The following TMTC1 variants were observed in gnomAD, a reference collection of about 807,000 sequenced individuals.
TMTC1 encodes protein O-mannosyl-transferase TMTC1.
In TMTC1, 73 loss-of-function variants were observed where a neutral mutation model predicts 104.8. The ratio of observed to expected loss-of-function variants is 0.70; its 90% CI spans 0.58 to 0.85. The LOEUF (loss-of-function observed/expected upper bound fraction) is 0.85. Among genes scored for constraint, TMTC1 ranks in the 40% least tolerant of loss-of-function variants. The pLI is 0.00. For synonymous variants in TMTC1, 434 were observed against 428.7 expected (o/e 1.01, Z -0.15); for missense variants, 1,035 against 1,096.1 (o/e 0.94, Z 0.79).
chr12:29,743,277 A>G lies in TMTC1; in HGVS notation c.938+8389T>C, dbSNP rs573145704. On this transcript the variant is annotated intron_variant, in intron 5 of 17. Coordinates refer to ENST00000539277, the MANE Select transcript of TMTC1 (RefSeq NM_001193451.2). ...CAGGAGTCCATGTTCTTTACTGGTA[A>G]TGTACACTGCCAACCTCATACGTTT... is the stretch of plus-strand genomic sequence containing the variant. Among the ~76,000 whole-genome samples, 10 of 152,294 alleles carry G rather than the reference A, an allele frequency of 6.6e-5. No individual in the cohort carries two copies. In the East Asian group the frequency reaches 1.4e-3, roughly 21 times the overall value.
intron 5 of TMTC1, chr12:29,666,121 A>G (rs1181640979): frequency 1.2e-5 from 5 of 413,684 alleles, no homozygotes; most frequent in Admixed American, 6.5e-5. Context: ...AACAAGTGTT[A>G]TTTGAATATT....
intron 2 of TMTC1, among the ~76,000 whole-genome samples, chr12:29,760,203 A>G (rs1459600586): frequency 1.3e-5 from 2 of 152,180 alleles, no homozygotes; most frequent in East Asian, 3.9e-4. Flanking sequence ...ACATGTCCCC[A>G]TTGTTAAGCA....
intron 2 of TMTC1, among the ~76,000 whole-genome samples, chr12:29,766,577 C>CAG (rs1943469311): frequency 6.6e-6 from 1 of 152,126 alleles, no homozygotes; most frequent in Admixed American, 6.6e-5. Context: ...TAAGGTACCT[C>CAG]AGAGGCTTGT....
At chr12:29,516,322 A>C (rs377352693) in intron 15 of TMTC1, 27 bp downstream of exon 15, 1 of 1,598,522 alleles carries the variant, frequency 6.3e-7, no homozygotes, top group Non-Finnish European at 8.5e-7. Context: ...ATGAATCCAA[A>C]GAACTCTAAA....
chr12:29,710,208 G>A (rs1339517770), intron 5 of TMTC1, among the ~76,000 whole-genome samples: 1 of 152,054 alleles, frequency 6.6e-6, no homozygotes, highest in Admixed American at 6.6e-5. Context: ...CTTTCAGACT[G>A]AGCTACTCCA....
At chr12:29,532,416 C>G (rs1944529678) in intron 11 of TMTC1, among the ~76,000 whole-genome samples, 1 of 151,978 alleles carries the variant, frequency 6.6e-6, no homozygotes, top group African/African-American at 2.4e-5. Context: ...AAAAAAAGCT[C>G]AATGCCACAA....
intron 8 of TMTC1, among the ~76,000 whole-genome samples, chr12:29,575,254 T>C (rs1945790398): frequency 6.6e-6 from 1 of 151,998 alleles, no homozygotes; most frequent in African/African-American, 2.4e-5. Flanking sequence ...CTGCAACTTA[T>C]TTGGATTAAA....
rs555582336 is a variant in TMTC1, at chr12:29,667,685, G to A, written c.939-34349C>T. 7.2e-5 allele frequency among the ~76,000 whole-genome samples: 11 copies of A among 152,230 alleles called. 1 individual carries two copies. In the South Asian group the frequency reaches 1.7e-3, roughly 23 times the overall value. On this transcript the variant is annotated intron_variant, in intron 5 of 17. Transcript: ENST00000539277. ...TTTAAGCTTCATCAATTTACTTAGAGGACCTTATTTTTATTCCCTCTATGA... is the reference window on the plus strand; with the variant it reads ...TTTAAGCTTCATCAATTTACTTAGAAGACCTTATTTTTATTCCCTCTATGA...
chr12:29,758,488 A>G (rs1436554010), intron 3 of TMTC1, among the ~76,000 whole-genome samples: 1 of 152,200 alleles, frequency 6.6e-6, no homozygotes, highest in East Asian at 1.9e-4. Context: ...ACACTGGGAA[A>G]GCAATCCCTT....
intron 7 of TMTC1, among the ~76,000 whole-genome samples, chr12:29,584,981 T>G (rs1301102219): frequency 6.7e-6 from 1 of 150,268 alleles, no homozygotes; most frequent in African/African-American, 2.5e-5. Flanking sequence ...GGTCAAATGG[T>G]ATTTCTAATT....
Position 29,701,028 on chromosome 12 carries a change from C to CTT in TMTC1, c.938+50636_938+50637dup, listed in dbSNP as rs761664217. Reference sequence around the variant, plus strand: ...TCCCAATTCCCAGCAGAATTTCTTTCTTTTTTTTTTTTTTCTGAGATTCTT... The same window carrying CTT: ...TCCCAATTCCCAGCAGAATTTCTTTCTTTTTTTTTTTTTTTTCTGAGATTCTT... On this transcript the variant is annotated intron_variant, in intron 5 of 17. Transcript: ENST00000539277. Among the ~76,000 whole-genome samples the CTT allele has an allele frequency of 5.6e-3, 806 of 142,842 alleles. 4 individuals carry two copies. Among genetic ancestry groups the CTT allele is most frequent in the African/African-American group, 0.019 (757 of 39,060 alleles). The allele number at this position is 142,842 out of a possible 152,430, so 93.7% of individuals were successfully genotyped here. A position where few individuals can be genotyped will look rare whatever the true frequency, so the allele number is the denominator to read the frequency against.
intron 4 of TMTC1, among the ~76,000 whole-genome samples, chr12:29,755,459 C>T (rs542163808): frequency 6.6e-6 from 1 of 152,336 alleles, no homozygotes; most frequent in Non-Finnish European, 1.5e-5. Context: ...AACACAGATA[C>T]TTTTCAATTC....
chr12:29,572,100 C>A lies in TMTC1; in HGVS notation c.1532+5G>T. The A allele has an allele frequency of 6.2e-7, 1 of 1,611,988 alleles. No individual in the cohort carries two copies. Among genetic ancestry groups the A allele is most frequent in the Non-Finnish European group, 8.5e-7 (1 of 1,178,228 alleles). ...AGGCCAACACCCTCCCTGTGTGGCG[C>A]TTACTTGAGAGCTGTTCTGTAGTGG... is the stretch of plus-strand genomic sequence containing the variant. On this transcript the variant is annotated splice_donor_5th_base_variant and intron_variant, in intron 9 of 17. Transcript: ENST00000539277.
chr12:29,616,565 G>A (rs1423312425), intron 6 of TMTC1, among the ~76,000 whole-genome samples: 1 of 151,682 alleles, frequency 6.6e-6, no homozygotes, highest in African/African-American at 2.4e-5. Flanking sequence ...CTACTCAGGA[G>A]GCTGAGGCAG....
At chr12:29,628,868 G>A (rs1294686900) in intron 6 of TMTC1, among the ~76,000 whole-genome samples, 1 of 151,852 alleles carries the variant, frequency 6.6e-6, no homozygotes, top group African/African-American at 2.4e-5. Context: ...CACCATGTTG[G>A]CCAGGCTGGT....
chr12:29,537,064 T>C (rs949507232), intron 10 of TMTC1, among the ~76,000 whole-genome samples: 4 of 152,220 alleles, frequency 2.6e-5, no homozygotes, highest in Middle Eastern at 3.2e-3. Flanking sequence ...GTCATTATGC[T>C]GATATCAATA....
Position 29,550,122 on chromosome 12 carries a change from A to T in TMTC1, c.1676+6735T>A, listed in dbSNP as rs117483684. On this transcript the variant is annotated intron_variant, in intron 10 of 17. Coordinates refer to ENST00000539277, the MANE Select transcript of TMTC1 (RefSeq NM_001193451.2). Reference sequence around the variant, plus strand: ...AGAAAGCTGATAAGAAAAAATATCTAAAAAAGCTCCTTAAAAGAGGTGAGT... The same window carrying T: ...AGAAAGCTGATAAGAAAAAATATCTTAAAAAGCTCCTTAAAAGAGGTGAGT... Among the ~76,000 whole-genome samples, 12 of 152,246 alleles carry T rather than the reference A, an allele frequency of 7.9e-5. No homozygotes were observed. In the East Asian group the frequency reaches 9.7e-4, roughly 12 times the overall value.
chr12:29,722,858 T>A (rs1942274084), intron 5 of TMTC1, among the ~76,000 whole-genome samples: 2 of 148,978 alleles, frequency 1.3e-5, no homozygotes, highest in African/African-American at 2.5e-5. Flanking sequence ...GAGGCAGAGG[T>A]TGCAGTGAGC....
At position 29,514,566 on chromosome 12, in the gene TMTC1, T is replaced by C. The variant is rs1943929908; in HGVS notation, c.2346A>G (p.Pro782=). ...DAIDKALQLK[P]KDPKVISELF... is the part of the protein sequence containing the mutation. Reference sequence around the variant, plus strand: ...GTTCAGAAATGACTTTTGGGTCCTTTGGTTTCAGCTGGAGAGCCTTGTCTA... The same window carrying C: ...GTTCAGAAATGACTTTTGGGTCCTTCGGTTTCAGCTGGAGAGCCTTGTCTA... Residue 782 remains proline (P), a synonymous_variant, in exon 16 of 18, where the codon CCA becomes CCG. Coordinates refer to ENST00000539277, the MANE Select transcript of TMTC1 (RefSeq NM_001193451.2). 1 of 1,614,140 alleles carries C rather than the reference T, an allele frequency of 6.2e-7. No individual in the cohort carries two copies. The highest frequency in any genetic ancestry group is 2.2e-5 in the East Asian group (1 of 44,866).
Sources: gnomAD v4.1 joint callset for allele counts (sites outside exome capture counted in the v4.1 genomes callset) on GRCh38, gnomAD v4.1.1 for gene constraint, MANE v1.5 for transcripts, NCBI Gene and HGNC (gene_info 2026-07-23, HGNC 2026-07-21) for gene names.